CAPN11: variants seen among roughly 807,000 people sequenced by gnomAD.
CAPN11 encodes the protein calpain-11.
CAPN11 carries 108 observed loss-of-function variants against 105.3 expected under a neutral mutation model. The ratio of observed to expected loss-of-function variants is 1.03; its 90% CI spans 0.88 to 1.20. The LOEUF is 1.20. CAPN11 is among the 50% of genes most tolerant of loss of function. The pLI, the probability that CAPN11 is intolerant of heterozygous loss-of-function variation, is 0.00. For missense variants in CAPN11, 883 were observed against 924.8 expected, an observed-to-expected ratio of 0.95 and a Z score of 0.59; for synonymous variants, 329 against 344.5, an observed-to-expected ratio of 0.96 and a Z score of 0.50.
In CAPN11 at chr6:44,180,980, A is replaced by G; in HGVS notation, c.1852A>G (p.Met618Val). Reference protein sequence around the residue: ...KGFGLDACRCMINLMDKDGSG... With the variant: ...KGFGLDACRCVINLMDKDGSG... ...CTTTGGCCTGGATGCTTGCCGCTGC[A>G]TGATCAACCTCATGGATGTATCCTC... Residue 618 changes from methionine (M) to valine (V), a missense_variant, in exon 18 of 23, where the codon ATG becomes GTG. Coordinates refer to ENST00000398776, the MANE Select transcript of CAPN11 (RefSeq NM_007058.4). 6.2e-7 allele frequency: 1 copy of G among 1,613,506 alleles called. No homozygotes were observed. The highest frequency in any genetic ancestry group is 8.5e-7 in the Non-Finnish European group (1 of 1,179,538).
At chr6:44,158,913 G>C (rs1288547198) in intron 1 of CAPN11, 49 bp downstream of exon 1, 8 of 1,516,046 alleles carry the variant, frequency 5.3e-6, no homozygotes, top group Admixed American at 2.0e-5. Context: ...CTGCAGGCTA[G>C]AGCCTCCCCC....
chr6:44,172,229 G>A, intron 4 of CAPN11, 73 bp from the exon 5 acceptor site: 1 of 981,858 alleles, frequency 1.0e-6, no homozygotes, highest in South Asian at 1.6e-5. Context: ...TGCTCCCCTA[G>A]GCCTTGGATT....
At chr6:44,174,245 C>G (rs1771541069) in intron 7 of CAPN11, among the ~76,000 whole-genome samples, 1 of 152,154 alleles carries the variant, frequency 6.6e-6, no homozygotes, top group African/African-American at 2.4e-5. Context: ...AGGAAACAAC[C>G]TAGATGTCCT....
chr6:44,180,801 C>G lies in CAPN11; in HGVS notation c.1800C>G (p.Ile600Met), dbSNP rs1433570132. 5 of 1,613,486 alleles carry G rather than the reference C, an allele frequency of 3.1e-6. No homozygotes were observed. Among genetic ancestry groups the G allele is most frequent in the Non-Finnish European group, 4.2e-6 (5 of 1,179,668 alleles). ...AGAGGCTGCTCAACAGGATGGCCATCAAATGTGAGTCTTCCACTCCTGCTG... is the reference window on the plus strand; with the variant it reads ...AGAGGCTGCTCAACAGGATGGCCATGAAATGTGAGTCTTCCACTCCTGCTG... ...ELQRLLNRMA[I>M]KFKSFKTKGF... The change falls in exon 17 of 23, where the codon ATC becomes ATG. Residue 600 changes from isoleucine (I) to methionine (M), a missense_variant. By Grantham distance (10) the Ile-to-Met change is conservative. Coordinates refer to ENST00000398776, the MANE Select transcript of CAPN11 (RefSeq NM_007058.4).
chr6:44,181,468 CTCACATACAGACA>C lies in CAPN11; in HGVS notation c.1938+149_1938+161del, dbSNP rs1561853904. ...CCACACTCACACACACACACACACA[CTCACATACAGACA>C]CAACCACACCACACACACACACACA... is the stretch of plus-strand genomic sequence containing the variant. On this transcript the variant is annotated intron_variant, in intron 19 of 22. Coordinates refer to ENST00000398776, the MANE Select transcript of CAPN11 (RefSeq NM_007058.4). The C allele has an allele frequency of 4.9e-4, 115 of 235,676 alleles. 1 individual carries two copies. The highest frequency in any genetic ancestry group is 3.6e-3 in the Admixed American group (46 of 12,604). 14.6% of individuals were successfully genotyped at this position (235,676 alleles called of 1,614,324 possible).
At chr6:44,177,742 C>T (rs1339095524) in intron 12 of CAPN11, among the ~76,000 whole-genome samples, 3 of 152,156 alleles carry the variant, frequency 2.0e-5, no homozygotes, top group African/African-American at 7.2e-5. Context: ...CTGTCTCGGC[C>T]TCCCAAAGTG....
rs1047772595 is a variant in CAPN11, at chr6:44,161,917, C to T, written c.16+3053C>T. 8.8e-6 allele frequency: 4 copies of T among 455,962 alleles called. No individual in the cohort carries two copies. The East Asian group carries it at 2.1e-4, about 24-fold the overall frequency. 28.2% of individuals were successfully genotyped at this position (455,962 alleles called of 1,614,324 possible). A position where few individuals can be genotyped will look rare whatever the true frequency, so the allele number is the denominator to read the frequency against. On this transcript the variant is annotated intron_variant, in intron 1 of 22. Coordinates refer to ENST00000398776, the MANE Select transcript of CAPN11 (RefSeq NM_007058.4). ...TGTGAATGACCTTAGATGATTCGCT[C>T]AACCCAGGTTTGTCAACCCCAGCTC...
At position 44,183,139 on chromosome 6, in the gene CAPN11, G is replaced by A; in HGVS notation, c.2038G>A (p.Val680Ile). 2 of 1,613,280 alleles carry A rather than the reference G, an allele frequency of 1.2e-6. No homozygotes were observed. Among genetic ancestry groups the A allele is most frequent in the Non-Finnish European group, 1.7e-6 (2 of 1,179,394 alleles). Residue 680 changes from valine (V) to isoleucine (I), a missense_variant, in exon 21 of 23, where the codon GTA (valine) becomes ATA (isoleucine). Physicochemically the swap from Val to Ile is conservative, Grantham distance 29. Coordinates refer to ENST00000398776, the MANE Select transcript of CAPN11 (RefSeq NM_007058.4). ...EKAGIKLNNK[V>I]MQVLVARYAD... ...CTCAGGCATCAAGCTGAACAACAAGGTAATGCAGGTCCTGGTGGCCAGGTA... is the reference window on the plus strand; with the variant it reads ...CTCAGGCATCAAGCTGAACAACAAGATAATGCAGGTCCTGGTGGCCAGGTA...
intron 1 of CAPN11, among the ~76,000 whole-genome samples, chr6:44,164,671 C>T (rs951718627): frequency 6.6e-6 from 1 of 152,084 alleles, no homozygotes; most frequent in Non-Finnish European, 1.5e-5. Flanking sequence ...CCCCGGTGGA[C>T]CCAGTGTGAG....
Position 44,180,098 on chromosome 6 carries a change from C to G in CAPN11, c.1575C>G (p.Thr525=). 1 of 1,613,660 alleles carries G rather than the reference C, an allele frequency of 6.2e-7. No homozygotes were observed. The highest frequency in any genetic ancestry group is 1.1e-5 in the South Asian group (1 of 91,052). The part of the protein sequence containing the change: ...PPGEYIIIPS[T]FEPHRDADFL... ...GGGAATATATCATTATTCCCTCCAC[C>G]TTTGAGCCACACAGAGATGCTGACT... is the stretch of plus-strand genomic sequence containing the variant. The change falls in exon 14 of 23, where the codon ACC becomes ACG. Residue 525 remains threonine, a synonymous_variant. Transcript: ENST00000398776.
In CAPN11 at chr6:44,180,012, G is replaced by A. The variant is rs778193196; in HGVS notation, c.1489G>A (p.Gly497Ser). The part of the protein sequence containing the change: ...KEFFTKYQDH[G>S]FSEIFTNSRE... ...ATTCTTCACGAAGTATCAGGACCAC[G>A]GCTTCTCAGAGATCTTCACCAACTC... The change falls in exon 14 of 23, where the codon GGC (glycine) becomes AGC (serine). Residue 497 changes from glycine (G) to serine (S), a missense_variant. Coordinates refer to ENST00000398776, the MANE Select transcript of CAPN11 (RefSeq NM_007058.4). 54 of 1,613,376 alleles carry A rather than the reference G, an allele frequency of 3.3e-5. No individual in the cohort carries two copies. The highest frequency in any genetic ancestry group is 4.5e-5 in the Non-Finnish European group (53 of 1,179,706).
chr6:44,161,682 C>G (rs1768836376), intron 1 of CAPN11: 2 of 424,238 alleles, frequency 4.7e-6, no homozygotes, highest in Non-Finnish European at 9.6e-6. Context: ...ACAGAGGGCT[C>G]TGGGGAAATG....
In CAPN11 at chr6:44,180,126, C is replaced by G. The variant is rs1297811369; in HGVS notation, c.1603C>G (p.Leu535Val). Residue 535 changes from leucine to valine, a missense_variant, in exon 14 of 23, where the codon CTG becomes GTG. Coordinates refer to ENST00000398776, the MANE Select transcript of CAPN11 (RefSeq NM_007058.4). ...TGAGCCACACAGAGATGCTGACTTCCTGCTTCGGGTCTTCACCGAGAAGCA... is the reference window on the plus strand; with the variant it reads ...TGAGCCACACAGAGATGCTGACTTCGTGCTTCGGGTCTTCACCGAGAAGCA... ...TFEPHRDADF[L>V]LRVFTEKHSE... 3 of 1,613,306 alleles carry G rather than the reference C, an allele frequency of 1.9e-6. No homozygotes were observed. Among genetic ancestry groups the G allele is most frequent in the South Asian group, 2.2e-5 (2 of 91,030 alleles).
chr6:44,172,855 A>C (rs1348706107), intron 5 of CAPN11, 85 bp from the exon 6 acceptor site: 2 of 1,453,860 alleles, frequency 1.4e-6, no homozygotes, highest in African/African-American at 1.4e-5. Context: ...GGAGCCTCTG[A>C]CACTGGCGTG....
chr6:44,169,457 C>T lies in CAPN11; in HGVS notation c.265C>T (p.Pro89Ser). ...LFEDPLFPAE[P>S]SSLGFKDLGP... ...CGAGGACCCCTTATTCCCTGCTGAA[C>T]CCAGCTCACTGGGCTTCAAGGACCT... The change falls in exon 3 of 23, where the codon CCC (proline) becomes TCC (serine). Residue 89 changes from proline (P) to serine (S), a missense_variant. Coordinates refer to ENST00000398776, the MANE Select transcript of CAPN11 (RefSeq NM_007058.4). 1 of 1,611,962 alleles carries T rather than the reference C, an allele frequency of 6.2e-7. No homozygotes were observed. The highest frequency in any genetic ancestry group is 8.5e-7 in the Non-Finnish European group (1 of 1,179,118).
In CAPN11 at chr6:44,169,407, CCTGT is replaced by C. The variant is rs1343276282; in HGVS notation, c.218_221del (p.Cys73Ter). The stretch of plus-strand genomic sequence containing the variant: ...CAGAGCTTTGAGGAGCTGCGAGCAG[CCTGT>C]CTAAGAAAGGGGGAGCTCTTCGAGG... On this transcript the variant is annotated frameshift_variant, in exon 3 of 23. Transcript: ENST00000398776. LOFTEE classifies it high-confidence loss of function. The C allele has an allele frequency of 1.9e-6, 3 of 1,613,832 alleles. No homozygotes were observed. Among genetic ancestry groups the C allele is most frequent in the Non-Finnish European group, 1.7e-6 (2 of 1,179,872 alleles).
chr6:44,166,942 GA>G, intron 2 of CAPN11, 113 bp downstream of exon 2: 20 of 574,440 alleles, frequency 3.5e-5, no homozygotes, highest in South Asian at 5.0e-5. Flanking sequence ...GTTGTGTGGG[GA>G]GGGCGGCGGG....
rs921604175 is a variant in CAPN11 at position 44,184,027 on chromosome 6, C to T, written c.*95C>T. ...GTGCTTCTTGTAGCCCTCAGCTCTC[C>T]GGTCTCTGCTGATGAAATGGGCTCC... On this transcript the variant is annotated 3_prime_UTR_variant, in exon 23 of 23. Coordinates refer to ENST00000398776, the MANE Select transcript of CAPN11 (RefSeq NM_007058.4). 5.8e-5 allele frequency: 81 copies of T among 1,396,014 alleles called. No homozygotes were observed. The East Asian group carries it at 8.5e-4, about 15-fold the overall frequency. 86.5% of individuals were successfully genotyped at this position (1,396,014 alleles called of 1,614,324 possible). A position where few individuals can be genotyped will look rare whatever the true frequency, so the allele number is the denominator to read the frequency against.
intron 19 of CAPN11, among the ~76,000 whole-genome samples, chr6:44,182,251 A>C (rs1388633034): frequency 2.2e-5 from 1 of 44,600 alleles, no homozygotes; most frequent in African/African-American, 1.2e-4. Context: ...ACACAACCAC[A>C]CCACACACAC....
Sources: allele counts gnomAD v4.1 joint callset (sites outside exome capture counted in the v4.1 genomes callset), GRCh38; gene constraint gnomAD v4.1.1; transcripts MANE v1.5; gene names NCBI Gene and HGNC (gene_info 2026-07-23, HGNC 2026-07-21).